The following NOX1 variants were observed in gnomAD, a reference collection of about 807,000 sequenced individuals.
NOX1 encodes the protein NADH/NADPH mitogenic oxidase subunit P65-MOX.
In NOX1, 34 loss-of-function variants were observed where a neutral mutation model predicts 42.5. The observed-to-expected ratio is 0.80, with a 90% CI of 0.61 to 1.07. The LOEUF (loss-of-function observed/expected upper bound fraction) is 1.07, where lower values mean the gene tolerates loss of function less well. Ranked by LOEUF, NOX1 falls within the 50% of genes least tolerant of loss-of-function variation. The pLI is 0.00. For missense variants in NOX1, 408 were observed against 427.0 expected (o/e 0.96, Z 0.39); for synonymous variants, 143 against 152.5 (o/e 0.94, Z 0.46).
intron 1 of NOX1, 46 bp from the exon 2 acceptor site, chrX:100,870,860 G>A: frequency 1.2e-6 from 1 of 829,949 alleles, no homozygotes; most frequent in Non-Finnish European, 1.8e-6. Context: ...TGAAATTTGA[G>A]TATGGGAAGG....
chrX:100,863,115 C>T, intron 4 of NOX1, 44 bp downstream of exon 4: 1 of 953,024 alleles, frequency 1.0e-6, no homozygotes, highest in Non-Finnish European at 1.5e-6. Context: ...AAGCAAGATT[C>T]TGAATGCCCT....
At chrX:100,845,103 A>G (rs1383724678) in intron 12 of NOX1, among the ~76,000 whole-genome samples, 2 of 111,936 alleles carry the variant, frequency 1.8e-5, no homozygotes, top group Non-Finnish European at 3.8e-5. Context: ...TGAAGTGTGC[A>G]ATTTGTGCTT....
chrX:100,844,059 A>G lies in NOX1; in HGVS notation c.1588T>C (p.Leu530=), dbSNP rs769878000. 3.1e-5 allele frequency: 37 copies of G among 1,195,112 alleles called. No homozygotes were observed. Among genetic ancestry groups the G allele is most frequent in the Non-Finnish European group, 3.8e-5 (34 of 886,229 alleles). The stretch of plus-strand genomic sequence containing the variant: ...TTTGCCAAAGTCCGAGGGCCACATA[A>G]GAAAACTCCCACTACAGACCTGTAG... The part of the protein sequence containing the change: ...SHPKSVVGVF[L]CGPRTLAKSL... The change falls in exon 13 of 13, where the codon TTA becomes CTA. Residue 530 remains leucine (L), a synonymous_variant. Coordinates refer to ENST00000372966, the MANE Select transcript of NOX1 (RefSeq NM_007052.5).
chrX:100,867,308 C>T (rs905107946), intron 2 of NOX1, among the ~76,000 whole-genome samples: 9 of 112,338 alleles, frequency 8.0e-5, no homozygotes, highest in Non-Finnish European at 1.7e-4. Flanking sequence ...GCGTGAGCCA[C>T]AGCGCCTGGC....
chrX:100,874,195 A>G lies in NOX1; in HGVS notation c.-56T>C. 1 of 883,406 alleles carries G rather than the reference A, an allele frequency of 1.1e-6. No individual in the cohort carries two copies. Among genetic ancestry groups the G allele is most frequent in the Non-Finnish European group, 1.7e-6 (1 of 604,505 alleles). The allele number at this position is 883,406 out of a possible 1,213,427, so 72.8% of individuals were successfully genotyped here. On this transcript the variant is annotated 5_prime_UTR_variant, in exon 1 of 13. Coordinates refer to ENST00000372966, the MANE Select transcript of NOX1 (RefSeq NM_007052.5). ...CAACAGGGAAGATTCAGCAATCCGG[A>G]TTCTGGAGAGGTCCTTCAGGAATGG...
Position 100,849,878 on chromosome X carries a change from A to G in NOX1, c.1190T>C (p.Val397Ala). 1.7e-6 allele frequency: 2 copies of G among 1,210,685 alleles called. No homozygotes were observed. Among genetic ancestry groups the G allele is most frequent in the South Asian group, 3.5e-5 (2 of 56,685 alleles). The change falls in exon 10 of 13, where the codon GTG becomes GCG. Residue 397 changes from valine to alanine, a missense_variant. Physicochemically the swap from Val to Ala is moderately conservative, Grantham distance 64 (BLOSUM62 0). Transcript: ENST00000372966. ...AATTCCTGCTCCAACCAGCACAGCC[A>G]CTTCATACTGGAAAACATCCTCACT... ...TASEDVFQYE[V>A]AVLVGAGIGV...
rs1477829172 is a variant in NOX1, at chrX:100,843,917, G to A, written c.*35C>T. Reference sequence around the variant, plus strand: ...AAGTAAATTACTGAAGATACAAAGAGACAAAATGCAGATTACCGTCCTTAT... The same window carrying A: ...AAGTAAATTACTGAAGATACAAAGAAACAAAATGCAGATTACCGTCCTTAT... On this transcript the variant is annotated 3_prime_UTR_variant, in exon 13 of 13. Coordinates refer to ENST00000372966, the MANE Select transcript of NOX1 (RefSeq NM_007052.5). 1.7e-6 allele frequency: 2 copies of A among 1,164,586 alleles called. No homozygotes were observed. Among genetic ancestry groups the A allele is most frequent in the East Asian group, 3.0e-5 (1 of 33,404 alleles).
chrX:100,850,847 CT>C (rs367726200), intron 8 of NOX1, among the ~76,000 whole-genome samples: 20 of 106,032 alleles, frequency 1.9e-4, no homozygotes, highest in East Asian at 3.0e-4. Context: ...AGTTCTTCTT[CT>C]TTTTTTTTTG....
Position 100,849,523 on chromosome X carries a change from T to C in NOX1, c.1297-97A>G, listed in dbSNP as rs1485741257. 3 of 949,896 alleles carry C rather than the reference T, an allele frequency of 3.2e-6. No individual in the cohort carries two copies. In the African/African-American group the frequency reaches 5.9e-5, roughly 19 times the overall value. 78.3% of individuals were successfully genotyped at this position (949,896 alleles called of 1,213,427 possible). ...TAGGCAGCAGGAATGTTCAGAGTTC[T>C]GACAATTTTCCTTAGGAACGAGCCT... On this transcript the variant is annotated intron_variant, in intron 10 of 12. Coordinates refer to ENST00000372966, the MANE Select transcript of NOX1 (RefSeq NM_007052.5).
chrX:100,853,307 T>TC lies in NOX1; in HGVS notation c.805-1983_805-1982insG, dbSNP rs1270448322. Among the ~76,000 whole-genome samples the TC allele has an allele frequency of 1.7e-3, 154 of 90,430 alleles. 2 individuals carry two copies. The highest frequency in any genetic ancestry group is 6.2e-3 in the African/African-American group (140 of 22,745). 78.5% of individuals were successfully genotyped at this position (90,430 alleles called of 115,157 possible). On this transcript the variant is annotated intron_variant, in intron 7 of 12. Transcript: ENST00000372966. Reference sequence around the variant, plus strand: ...CTTTCTTTCTTTCTTTCTTTCTTTCTTTCTTTCTTTCTTTCTCTCTCTTTC... The same window carrying TC: ...CTTTCTTTCTTTCTTTCTTTCTTTCTCTTCTTTCTTTCTTTCTCTCTCTTTC...
At chrX:100,862,916 T>A (rs1602391019) in intron 4 of NOX1, 96 bp from the exon 5 acceptor site, 10 of 850,634 alleles carry the variant, frequency 1.2e-5, no homozygotes, top group Non-Finnish European at 1.7e-5. Flanking sequence ...ATTATAGTGC[T>A]TAGCAGAATG....
chrX:100,872,844 A>G (rs992357863), intron 1 of NOX1, among the ~76,000 whole-genome samples: 2 of 110,854 alleles, frequency 1.8e-5, no homozygotes, highest in African/African-American at 6.6e-5. Context: ...TAGTAGCAGA[A>G]TTCAAAGTAC....
chrX:100,850,423 C>T (rs1273074183), intron 8 of NOX1, 37 bp from the exon 9 acceptor site: 1 of 943,591 alleles, frequency 1.1e-6, no homozygotes, highest in African/African-American at 1.9e-5. Flanking sequence ...AAAGCAAACT[C>T]TAATGACGAC....
Position 100,849,947 on chromosome X carries a change from A to G in NOX1, c.1134-13T>C, listed in dbSNP as rs758409543. On this transcript the variant is annotated splice_polypyrimidine_tract_variant and intron_variant, in intron 9 of 12. Transcript: ENST00000372966. Reference sequence around the variant, plus strand: ...ATCCACTTCAATCCTGGCAGAAGACAGAAGATAACGGGCAACTGAAGACTC... The same window carrying G: ...ATCCACTTCAATCCTGGCAGAAGACGGAAGATAACGGGCAACTGAAGACTC... 1.5e-5 allele frequency: 18 copies of G among 1,182,583 alleles called. No homozygotes were observed. Among genetic ancestry groups the G allele is most frequent in the Non-Finnish European group, 2.0e-5 (18 of 881,901 alleles).
At chrX:100,863,042 C>A in intron 4 of NOX1, 117 bp downstream of exon 4, 1 of 638,211 alleles carries the variant, frequency 1.6e-6, no homozygotes, top group Admixed American at 2.3e-5. Context: ...AAGAACAGTG[C>A]CTGACAAATA....
intron 12 of NOX1, among the ~76,000 whole-genome samples, chrX:100,847,216 G>A (rs2085079849): frequency 9.0e-6 from 1 of 110,942 alleles, no homozygotes; most frequent in Non-Finnish European, 1.9e-5. Context: ...CCAGCATGAG[G>A]ACCCAGGATC....
Position 100,849,372 on chromosome X carries a change from G to C in NOX1, c.1351C>G (p.Leu451Val). Residue 451 changes from leucine (L) to valine (V), a missense_variant, in exon 11 of 13, where the codon CTG (leucine) becomes GTG (valine). Coordinates refer to ENST00000372966, the MANE Select transcript of NOX1 (RefSeq NM_007052.5). ...ATCTCCTGTTCCAGGGAAGTCAACA[G>C]GTTGTTGAACCAGGAAAAGGCACCT... ...ETGAFSWFNN[L>V]LTSLEQEMEE... The C allele has an allele frequency of 8.3e-7, 1 of 1,210,111 alleles. No individual in the cohort carries two copies. The highest frequency in any genetic ancestry group is 2.3e-4 in the Middle Eastern group (1 of 4,312).
chrX:100,867,256 G>C (rs1047150981), intron 2 of NOX1, among the ~76,000 whole-genome samples: 1 of 111,263 alleles, frequency 9.0e-6, no homozygotes, highest in South Asian at 3.8e-4. Flanking sequence ...TCCTGACCTC[G>C]TGATCCGCCC....
intron 12 of NOX1, 109 bp from the exon 13 acceptor site, chrX:100,844,187 T>C: frequency 2.8e-6 from 2 of 718,672 alleles, no homozygotes; most frequent in Non-Finnish European, 4.0e-6. Flanking sequence ...AAAATTCGGT[T>C]GTTTACTCCC....
Sources: allele counts gnomAD v4.1 joint callset (sites outside exome capture counted in the v4.1 genomes callset), GRCh38; gene constraint gnomAD v4.1.1; transcripts MANE v1.5; gene names NCBI Gene and HGNC (gene_info 2026-07-23, HGNC 2026-07-21).